KCNT2: variants seen among roughly 807,000 people sequenced by gnomAD.
The protein encoded by KCNT2 is potassium channel subfamily T member 2.
KCNT2 carries 67 observed loss-of-function variants against 153.8 expected under a neutral mutation model. The ratio of observed to expected loss-of-function variants is 0.44; its 90% CI spans 0.36 to 0.53. The LOEUF (loss-of-function observed/expected upper bound fraction) is 0.53, where lower values mean the gene tolerates loss of function less well. Ranked by LOEUF, KCNT2 falls within the 20% of genes least tolerant of loss-of-function variation. The pLI, the probability that KCNT2 is intolerant of heterozygous loss-of-function variation, is 0.00. For synonymous variants in KCNT2, 500 were observed against 458.8 expected, an observed-to-expected ratio of 1.09 and a Z score of -1.15; for missense variants, 975 against 1,354.8, an observed-to-expected ratio of 0.72 and a Z score of 4.40.
chr1:196,330,840 T>G (rs1380454936), intron 18 of KCNT2, among the ~76,000 whole-genome samples: 1 of 151,960 alleles, frequency 6.6e-6, no homozygotes, highest in Non-Finnish European at 1.5e-5. Context: ...TAATGCACAT[T>G]TGACCCAAGT....
intron 3 of KCNT2, among the ~76,000 whole-genome samples, chr1:196,486,192 A>G (rs911848997): frequency 6.6e-6 from 1 of 151,912 alleles, no homozygotes; most frequent in Admixed American, 6.6e-5. Flanking sequence ...AAAATGCTAA[A>G]AGTATTTATT....
chr1:196,322,359 G>A (rs1663406363), intron 19 of KCNT2, among the ~76,000 whole-genome samples: 1 of 151,404 alleles, frequency 6.6e-6, no homozygotes, highest in Non-Finnish European at 1.5e-5. Context: ...AGGTAAACAT[G>A]ACAAAAAATA....
At chr1:196,588,297 T>A (rs946933191) in intron 1 of KCNT2, among the ~76,000 whole-genome samples, 5 of 151,964 alleles carry the variant, frequency 3.3e-5, no homozygotes, top group Non-Finnish European at 2.9e-5. Flanking sequence ...AACAAACATT[T>A]AAAGCAAAAG....
chr1:196,253,823 T>G (rs147154865), intron 26 of KCNT2, among the ~76,000 whole-genome samples: 1 of 151,648 alleles, frequency 6.6e-6, no homozygotes, highest in Non-Finnish European at 1.5e-5. Context: ...AAGTAAAAAG[T>G]TCACTCAACC....
intron 8 of KCNT2, among the ~76,000 whole-genome samples, chr1:196,439,585 A>C (rs1675041899): frequency 6.6e-6 from 1 of 152,008 alleles, no homozygotes; most frequent in African/African-American, 2.4e-5. Flanking sequence ...AATGGTTAAT[A>C]ATGACATAAA....
intron 6 of KCNT2, 96 bp from the exon 7 acceptor site, chr1:196,467,882 A>C (rs1557974198): frequency 1.8e-6 from 1 of 569,198 alleles, no homozygotes; most frequent in South Asian, 3.7e-5. Flanking sequence ...CTGTTAAAGA[A>C]AGTATAATAA....
chr1:196,340,865 T>A (rs1665555842), intron 15 of KCNT2, among the ~76,000 whole-genome samples: 2 of 151,904 alleles, frequency 1.3e-5, no homozygotes, highest in Non-Finnish European at 2.9e-5. Context: ...ACAATTTTAC[T>A]TTGGTCAAAA....
chr1:196,287,351 C>T (rs180987706), intron 22 of KCNT2, among the ~76,000 whole-genome samples: 61 of 152,042 alleles, frequency 4.0e-4, no homozygotes, highest in African/African-American at 1.3e-3. Flanking sequence ...TGGAGAAGAC[C>T]AAGCCATGAT....
At chr1:196,383,834 T>C (rs143950161) in intron 13 of KCNT2, among the ~76,000 whole-genome samples, 4 of 152,320 alleles carry the variant, frequency 2.6e-5, no homozygotes, top group African/African-American at 7.2e-5. Context: ...TAAAGAATCA[T>C]TGGATTTGGA....
intron 23 of KCNT2, among the ~76,000 whole-genome samples, chr1:196,284,359 C>T (rs1421206756): frequency 2.2e-5 from 3 of 138,522 alleles, no homozygotes; most frequent in Middle Eastern, 8.4e-3. Context: ...AAACGTGAGG[C>T]AAAAACAAAG....
At chr1:196,321,861 C>A (rs1456485373) in intron 19 of KCNT2, among the ~76,000 whole-genome samples, 1 of 151,840 alleles carries the variant, frequency 6.6e-6, no homozygotes, top group Non-Finnish European at 1.5e-5. Flanking sequence ...TGCCAGCTGA[C>A]CTAAATACAT....
chr1:196,496,671 T>C (rs1414314547), intron 1 of KCNT2, among the ~76,000 whole-genome samples: 1 of 152,152 alleles, frequency 6.6e-6, no homozygotes, highest in East Asian at 1.9e-4. Flanking sequence ...AGCAAGGTTA[T>C]TTACCCACTT....
At chr1:196,457,064 A>C (rs1378955495) in intron 8 of KCNT2, among the ~76,000 whole-genome samples, 1 of 151,934 alleles carries the variant, frequency 6.6e-6, no homozygotes, top group East Asian at 1.9e-4. Context: ...ATAATTTTTT[A>C]CACCCAAACT....
intron 5 of KCNT2, among the ~76,000 whole-genome samples, chr1:196,470,170 T>C (rs193100657): frequency 6.6e-6 from 1 of 152,218 alleles, no homozygotes; most frequent in Admixed American, 6.5e-5. Flanking sequence ...AATGCCTCCT[T>C]ATAGAGATGT....
At chr1:196,589,585 T>G (rs977532532) in intron 1 of KCNT2, among the ~76,000 whole-genome samples, 2 of 152,080 alleles carry the variant, frequency 1.3e-5, no homozygotes, top group African/African-American at 4.8e-5. Flanking sequence ...GGCCAGCCCC[T>G]TCATAATCAA....
chr1:196,258,322 T>G lies in KCNT2; in HGVS notation c.3083A>C (p.His1028Pro). 1 of 1,613,886 alleles carries G rather than the reference T, an allele frequency of 6.2e-7. No individual in the cohort carries two copies. Among genetic ancestry groups the G allele is most frequent in the Non-Finnish European group, 8.5e-7 (1 of 1,179,950 alleles). Residue 1028 changes from histidine to proline, a missense_variant, in exon 26 of 28, where the codon CAC becomes CCC. Physicochemically the swap from His to Pro is moderately conservative, Grantham distance 77. This residue lies in a region of KCNT2 where 241 missense variants were observed against 271.1 expected (regional missense o/e 0.89). Coordinates refer to ENST00000294725, the MANE Select transcript of KCNT2 (RefSeq NM_198503.5). ...TATTTTTTCAGCTGTTTTACCAGAG[T>G]GTTTTGGGCCTTTTCTGCTCAGTCT... ...ARRLSRKGPK[H>P]SGKTAEKITQ...
At chr1:196,393,772 G>A (rs1670685306) in intron 13 of KCNT2, among the ~76,000 whole-genome samples, 1 of 151,430 alleles carries the variant, frequency 6.6e-6, no homozygotes, top group African/African-American at 2.4e-5. Flanking sequence ...AATTTATGAA[G>A]GGTTCCACAA....
At chr1:196,515,326 AG>A (rs1001703088) in intron 1 of KCNT2, among the ~76,000 whole-genome samples, 2 of 152,234 alleles carry the variant, frequency 1.3e-5, no homozygotes, top group Non-Finnish European at 2.9e-5. Context: ...TAAGACTATC[AG>A]GTTTCCATTA....
At chr1:196,601,463 TC>T (rs1664714163) in intron 1 of KCNT2, among the ~76,000 whole-genome samples, 1 of 152,232 alleles carries the variant, frequency 6.6e-6, no homozygotes. Flanking sequence ...TTAGTGTGCT[TC>T]TTGATAATTA....
Sources: gnomAD v4.1 joint callset for allele counts (sites outside exome capture counted in the v4.1 genomes callset) on GRCh38, gnomAD v4.1.1 for gene constraint, gnomAD v4.1.1 regional missense constraint, MANE v1.5 for transcripts, NCBI Gene and HGNC (gene_info 2026-07-23, HGNC 2026-07-21) for gene names.